Variants in ARHGAP22 observed in about 807,000 individuals in gnomAD.
ARHGAP22 encodes rho GTPase-activating protein 22.
Under a neutral mutation model 59.1 loss-of-function variants are expected in ARHGAP22, and 48 were observed. The ratio of observed to expected loss-of-function variants is 0.81; its 90% CI spans 0.64 to 1.03. The LOEUF is 1.03. ARHGAP22 is among the 50% of genes least tolerant of loss of function. The probability of loss-of-function intolerance (pLI) is 0.00; values close to 1 mark genes in which losing one functional copy is unlikely to be tolerated. For synonymous variants in ARHGAP22, 445 were observed against 416.4 expected (o/e 1.07, Z -0.84); for missense variants, 1,015 against 958.7 (o/e 1.06, Z -0.78).
Position 48,487,571 on chromosome 10 carries a change from G to A in ARHGAP22, c.323-7807C>T, listed in dbSNP as rs191605626. Among the ~76,000 whole-genome samples, 25 of 152,246 alleles carry A rather than the reference G, an allele frequency of 1.6e-4. No homozygotes were observed. In the East Asian group the frequency reaches 3.3e-3, roughly 20 times the overall value. The stretch of plus-strand genomic sequence containing the variant: ...TTTTTAGTCTTGAAGGTGGAGGAAG[G>A]GAGCCAGGAGCTGATGAATGCAGGC... On this transcript the variant is annotated intron_variant, in intron 3 of 9. Transcript: ENST00000249601.
intron 3 of ARHGAP22, among the ~76,000 whole-genome samples, chr10:48,539,905 C>G (rs750654877): frequency 4.3e-4 from 65 of 152,188 alleles, no homozygotes; most frequent in East Asian, 5.8e-4. Flanking sequence ...TAATTTATAG[C>G]CTTTACCAAT....
chr10:48,460,031 AC>A, intron 4 of ARHGAP22, 140 bp from the exon 5 acceptor site: 3 of 871,386 alleles, frequency 3.4e-6, no homozygotes, highest in Non-Finnish European at 3.5e-6. Flanking sequence ...GAGGATGCAT[AC>A]CAGAAGGCTG....
At chr10:48,544,452 G>A (rs903101297) in intron 3 of ARHGAP22, among the ~76,000 whole-genome samples, 5 of 150,722 alleles carry the variant, frequency 3.3e-5, no homozygotes, top group African/African-American at 4.9e-5. Context: ...TAGAGCACCT[G>A]TTCTATGCTG....
chr10:48,558,456 G>A (rs938181241), intron 2 of ARHGAP22, among the ~76,000 whole-genome samples: 9 of 151,432 alleles, frequency 5.9e-5, no homozygotes, highest in Admixed American at 1.3e-4. Flanking sequence ...TCTACCTACC[G>A]GGCTCCAGTG....
intron 8 of ARHGAP22, 39 bp downstream of exon 8, chr10:48,453,265 C>T (rs199970563): frequency 4.4e-5 from 71 of 1,610,684 alleles, no homozygotes; most frequent in Non-Finnish European, 5.2e-5. Flanking sequence ...GCCCAGACCC[C>T]GGCAGCACCC....
chr10:48,457,039 C>T (rs904729859), intron 5 of ARHGAP22, among the ~76,000 whole-genome samples: 1 of 152,050 alleles, frequency 6.6e-6, no homozygotes, highest in Non-Finnish European at 1.5e-5. Context: ...AGGGGTGGGG[C>T]AGAAAGGGCA....
rs34557935 is a variant in ARHGAP22, at chr10:48,577,801, G to GTTTTTTTTTTTTTTTTTTTTTTT, written c.234+5129_234+5151dup. Reference sequence around the variant, plus strand: ...TCTGAGATCTAACTGCTCTTTTTTGGTTTTTTTTTTTTTTTTTTTTTTTTT... The same window carrying GTTTTTTTTTTTTTTTTTTTTTTT: ...TCTGAGATCTAACTGCTCTTTTTTGGTTTTTTTTTTTTTTTTTTTTTTTTTTTTTTTTTTTTTTTTTTTTTTTT... On this transcript the variant is annotated intron_variant, in intron 2 of 9. Transcript: ENST00000249601. Among the ~76,000 whole-genome samples the GTTTTTTTTTTTTTTTTTTTTTTT allele has an allele frequency of 2.0e-4, 12 of 59,162 alleles. 3 individuals are homozygous for GTTTTTTTTTTTTTTTTTTTTTTT. The highest frequency in any genetic ancestry group is 2.0e-4 in the Non-Finnish European group (7 of 34,250). The allele number at this position is 59,162 out of a possible 152,430, so 38.8% of individuals were successfully genotyped here. A position where few individuals can be genotyped will look rare whatever the true frequency, so the allele number is the denominator to read the frequency against.
At chr10:48,467,735 A>C (rs2047857787) in intron 4 of ARHGAP22, among the ~76,000 whole-genome samples, 1 of 152,228 alleles carries the variant, frequency 6.6e-6, no homozygotes, top group South Asian at 2.1e-4. Context: ...AGGACCTGCT[A>C]GAGCTAAGCA....
At chr10:48,626,760 G>A (rs2136068175) in intron 1 of ARHGAP22, among the ~76,000 whole-genome samples, 1 of 152,264 alleles carries the variant, frequency 6.6e-6, no homozygotes, top group South Asian at 2.1e-4. Flanking sequence ...TAAAACCCTG[G>A]GAATTTCCTG....
intron 3 of ARHGAP22, among the ~76,000 whole-genome samples, chr10:48,499,722 T>C (rs1051873405): frequency 6.6e-6 from 1 of 152,202 alleles, no homozygotes; most frequent in Non-Finnish European, 1.5e-5. Context: ...AAGTTCTAAG[T>C]CAATGAACTG....
chr10:48,536,022 G>A (rs980893334), intron 3 of ARHGAP22, among the ~76,000 whole-genome samples: 1 of 152,228 alleles, frequency 6.6e-6, no homozygotes, highest in Non-Finnish European at 1.5e-5. Flanking sequence ...GCGCAGGATG[G>A]GGCCCGGCAG....
At chr10:48,528,885 G>A (rs1373577763) in intron 3 of ARHGAP22, among the ~76,000 whole-genome samples, 1 of 152,068 alleles carries the variant, frequency 6.6e-6, no homozygotes, top group Non-Finnish European at 1.5e-5. Flanking sequence ...TGCCATGATT[G>A]TAAACTTCCT....
intron 3 of ARHGAP22, among the ~76,000 whole-genome samples, chr10:48,544,110 A>G (rs1236112152): frequency 1.3e-5 from 2 of 152,014 alleles, no homozygotes; most frequent in African/African-American, 4.8e-5. Context: ...GTGACAGAAC[A>G]AGACTCCGTC....
At chr10:48,635,878 G>T (rs781158988) in intron 1 of ARHGAP22, among the ~76,000 whole-genome samples, 1 of 152,186 alleles carries the variant, frequency 6.6e-6, no homozygotes, top group Admixed American at 6.5e-5. Flanking sequence ...CTGCACTTTT[G>T]AGCTTCAGTT....
chr10:48,463,902 G>A (rs1414255653), intron 4 of ARHGAP22, among the ~76,000 whole-genome samples: 1 of 152,212 alleles, frequency 6.6e-6, no homozygotes, highest in Non-Finnish European at 1.5e-5. Flanking sequence ...CCCACCCTCA[G>A]CTCACAGCTG....
chr10:48,511,449 T>G (rs2052755062), intron 3 of ARHGAP22: 1 of 152,326 alleles, frequency 6.6e-6, no homozygotes, highest in Non-Finnish European at 1.5e-5. Flanking sequence ...ACAAGCCATG[T>G]GCCCCAGAGG....
intron 3 of ARHGAP22, among the ~76,000 whole-genome samples, chr10:48,482,655 T>A (rs912698377): frequency 6.6e-6 from 1 of 152,228 alleles, no homozygotes; most frequent in Non-Finnish European, 1.5e-5. Context: ...AGGTTTTTTT[T>A]ATTGATACAT....
At chr10:48,652,809 T>C (rs2062617928), upstream of ARHGAP22, among the ~76,000 whole-genome samples, 1 of 152,112 alleles carries the variant, frequency 6.6e-6, no homozygotes. Flanking sequence ...GGCACAGCAG[T>C]CCTGTTAGTG....
intron 1 of ARHGAP22, among the ~76,000 whole-genome samples, chr10:48,622,940 T>G (rs1435292152): frequency 2.0e-5 from 3 of 152,220 alleles, no homozygotes; most frequent in Admixed American, 6.5e-5. Context: ...CATCACCCAC[T>G]GGGCAGACAC....
Sources: gnomAD v4.1 joint callset for allele counts (sites outside exome capture counted in the v4.1 genomes callset) on GRCh38, gnomAD v4.1.1 for gene constraint, MANE v1.5 for transcripts, NCBI Gene and HGNC (gene_info 2026-07-23, HGNC 2026-07-21) for gene names.